BDH1: variants seen among roughly 807,000 people sequenced by gnomAD.
The protein encoded by BDH1 is 3-hydroxybutyrate dehydrogenase 1.
A neutral mutation model predicts 33.1 loss-of-function variants in BDH1; 30 were observed. That is an observed-to-expected ratio of 0.91 (90% CI 0.68 to 1.23). The LOEUF is 1.23. BDH1 is among the 50% of genes most tolerant of loss of function. The pLI is 0.00. For missense variants in BDH1, 443 were observed against 464.4 expected, an observed-to-expected ratio of 0.95 and a Z score of 0.42; for synonymous variants, 190 against 183.6, an observed-to-expected ratio of 1.03 and a Z score of -0.28.
intron 2 of BDH1, among the ~76,000 whole-genome samples, chr3:197,553,052 G>A (rs771237089): frequency 3.9e-5 from 6 of 152,030 alleles, no homozygotes; most frequent in Admixed American, 2.6e-4. Flanking sequence ...CAAGTAACTG[G>A]GGTTACAAGC....
chr3:197,551,739 T>C (rs1716588420), intron 2 of BDH1, among the ~76,000 whole-genome samples: 1 of 152,184 alleles, frequency 6.6e-6, no homozygotes, highest in Non-Finnish European at 1.5e-5. Context: ...ATTCTGAGAA[T>C]GCCTCATTTA....
At position 197,521,819 on chromosome 3, in the gene BDH1, C is replaced by T. The variant is rs1397732490; in HGVS notation, c.409+821G>A. Reference sequence around the variant, plus strand: ...CACCCTAGTTCCGGAGTCCAGAACCCATGTTTAACTCCCGCTTTGAATCCA... The same window carrying T: ...CACCCTAGTTCCGGAGTCCAGAACCTATGTTTAACTCCCGCTTTGAATCCA... On this transcript the variant is annotated intron_variant, in intron 6 of 7. Transcript: ENST00000392379. The surrounding 1 kb of genome is among the most constrained non-coding windows in gnomAD (Gnocchi z 4.9). Among the ~76,000 whole-genome samples the T allele has an allele frequency of 3.3e-5, 5 of 152,218 alleles. No individual in the cohort carries two copies. The highest frequency in any genetic ancestry group is 7.3e-5 in the Non-Finnish European group (5 of 68,042).
At chr3:197,548,165 A>G (rs1716247133) in intron 2 of BDH1, among the ~76,000 whole-genome samples, 1 of 152,238 alleles carries the variant, frequency 6.6e-6, no homozygotes, top group Non-Finnish European at 1.5e-5. Context: ...TGTGGCCACA[A>G]AAGAAGTTTC....
In BDH1 at chr3:197,510,721, A is replaced by ACG. The variant is rs1711934705; in HGVS notation, c.*1173_*1174insCG. On this transcript the variant is annotated 3_prime_UTR_variant, in exon 8 of 8. Coordinates refer to ENST00000392379, the MANE Select transcript of BDH1 (RefSeq NM_203314.3). ...TGTGTGTGTGTGTGTGTGTGTGTAC[A>ACG]TGTGTGTAAGCACCACGTGAGGCAA... The ACG allele has an allele frequency of 9.0e-6, 1 of 110,998 alleles. No individual in the cohort carries two copies. The highest frequency in any genetic ancestry group is 3.2e-4 in the South Asian group (1 of 3,158). 6.9% of individuals were successfully genotyped at this position (110,998 alleles called of 1,614,324 possible).
intron 2 of BDH1, among the ~76,000 whole-genome samples, chr3:197,547,672 A>C (rs1716196057): frequency 6.6e-6 from 1 of 152,252 alleles, no homozygotes; most frequent in Non-Finnish European, 1.5e-5. Context: ...CGGTCAAGCT[A>C]TGCGACTTCC....
chr3:197,556,001 G>GGGCTCACGGCGGCGT (rs1717006306), upstream of BDH1: 2 of 152,410 alleles, frequency 1.3e-5, no homozygotes, highest in African/African-American at 4.8e-5. Flanking sequence ...ACGCTGGGCG[G>GGGCTCACGGCGGCGT]GGCTCACGGC....
rs374580969 is a variant in BDH1, at chr3:197,526,816, T to C, written c.268-4035A>G. On this transcript the variant is annotated intron_variant, in intron 5 of 7. Transcript: ENST00000392379. The surrounding 1 kb of genome is among the most constrained non-coding windows in gnomAD (Gnocchi z 4.7). ...CCTTTAGACTTCTTCTGGTGGACAT[T>C]AGCATCACACTCTGTGGCCTCCAGA... Among the ~76,000 whole-genome samples the C allele has an allele frequency of 2.0e-5, 3 of 152,172 alleles. No homozygotes were observed. Among genetic ancestry groups the C allele is most frequent in the African/African-American group, 7.2e-5 (3 of 41,420 alleles).
At position 197,510,608 on chromosome 3, in the gene BDH1, G is replaced by GTGTGTGTGTGTGTC. The variant is rs1711839093; in HGVS notation, c.*1286_*1287insGACACACACACACA. 3.7e-5 allele frequency: 1 copy of GTGTGTGTGTGTGTC among 27,170 alleles called. No homozygotes were observed. The highest frequency in any genetic ancestry group is 3.2e-4 in the African/African-American group (1 of 3,166). The allele number at this position is 27,170 out of a possible 1,614,324, so 1.7% of individuals were successfully genotyped here. A position where few individuals can be genotyped will look rare whatever the true frequency, so the allele number is the denominator to read the frequency against. On this transcript the variant is annotated 3_prime_UTR_variant, in exon 8 of 8. Transcript: ENST00000392379. ...AGCCCTGCAGAACAGGGGTGTGTGT[G>GTGTGTGTGTGTGTC]TGTGTGTGTGTGTGTGTGTGTGTGT...
At chr3:197,532,813 C>G (rs535794193) in intron 4 of BDH1, among the ~76,000 whole-genome samples, 1 of 152,210 alleles carries the variant, frequency 6.6e-6, no homozygotes, top group Non-Finnish European at 1.5e-5. Context: ...CTTTTTAAAA[C>G]GCTCAATGTA....
chr3:197,525,335 T>A lies in BDH1; in HGVS notation c.268-2554A>T, dbSNP rs561881522. 3.3e-5 allele frequency among the ~76,000 whole-genome samples: 5 copies of A among 152,296 alleles called. No homozygotes were observed. In the South Asian group the frequency reaches 6.2e-4, roughly 19 times the overall value. On this transcript the variant is annotated intron_variant, in intron 5 of 7. Transcript: ENST00000392379. This position sits in a 1 kb window ranked among gnomAD's most constrained non-coding sequence, Gnocchi z 4.9. ...TTCTAGCTGACATGCACAAGAGGTA[T>A]CTAAATGTCCTTCCTCTTGGGACTT...
chr3:197,552,023 C>T (rs908586156), intron 2 of BDH1, among the ~76,000 whole-genome samples: 3 of 152,290 alleles, frequency 2.0e-5, no homozygotes, highest in South Asian at 2.1e-4. Flanking sequence ...CGCCAACTCC[C>T]GAAGGTTGAT....
At chr3:197,531,417 AAAT>A (rs1013315914) in intron 5 of BDH1, among the ~76,000 whole-genome samples, 4 of 142,754 alleles carry the variant, frequency 2.8e-5, no homozygotes, top group African/African-American at 8.1e-5. Context: ...ATTAAAAAAA[AAAT>A]ATATATATAT....
chr3:197,517,390 C>T (rs1160495141), intron 6 of BDH1, among the ~76,000 whole-genome samples: 2 of 108,690 alleles, frequency 1.8e-5, no homozygotes, highest in Non-Finnish European at 3.7e-5. Context: ...TCTCCATCCC[C>T]TCCTCAGGCT....
chr3:197,512,386 C>T, intron 7 of BDH1, 22 bp from the exon 8 acceptor site: 1 of 1,584,610 alleles, frequency 6.3e-7, no homozygotes, highest in Non-Finnish European at 8.5e-7. Context: ...GACAGAGGTA[C>T]CTGCTAAGCC....
In BDH1 at chr3:197,521,696, G is replaced by T. The variant is rs559321963; in HGVS notation, c.409+944C>A. Among the ~76,000 whole-genome samples, 4 of 152,084 alleles carry T rather than the reference G, an allele frequency of 2.6e-5. No individual in the cohort carries two copies. The highest frequency in any genetic ancestry group is 9.7e-5 in the African/African-American group (4 of 41,398). ...ACCAGGTGTCCAGGACAGAGACTTC[G>T]CGCCTCACCTCATCCCCACATCCAA... is the stretch of plus-strand genomic sequence containing the variant. On this transcript the variant is annotated intron_variant, in intron 6 of 7. Transcript: ENST00000392379. The surrounding 1 kb of genome is among the most constrained non-coding windows in gnomAD (Gnocchi z 4.9).
chr3:197,541,910 G>T (rs1298897776), intron 3 of BDH1, among the ~76,000 whole-genome samples: 1 of 152,212 alleles, frequency 6.6e-6, no homozygotes, highest in Non-Finnish European at 1.5e-5. Context: ...GCTGAGCTGT[G>T]ACAGACACTG....
chr3:197,520,329 G>A lies in BDH1; in HGVS notation c.409+2311C>T, dbSNP rs1008671666. On this transcript the variant is annotated intron_variant, in intron 6 of 7. Transcript: ENST00000392379. The surrounding 1 kb of genome is among the most constrained non-coding windows in gnomAD (Gnocchi z 6.0). ...AGTATCGGTTAAGGAAGTTGATGGT[G>A]AGAGGTTCATCCAGCCCTCCGGAAT... Among the ~76,000 whole-genome samples the A allele has an allele frequency of 1.3e-5, 2 of 152,222 alleles. No individual in the cohort carries two copies. Among genetic ancestry groups the A allele is most frequent in the African/African-American group, 4.8e-5 (2 of 41,464 alleles).
At chr3:197,536,838 C>T (rs967109464) in intron 3 of BDH1, among the ~76,000 whole-genome samples, 4 of 152,112 alleles carry the variant, frequency 2.6e-5, no homozygotes. Context: ...AGTGAAACTC[C>T]GTCTCAAAAA....
At chr3:197,567,627 G>A (rs747603678) in intron 1 of BDH1, among the ~76,000 whole-genome samples, 6 of 152,122 alleles carry the variant, frequency 3.9e-5, no homozygotes, top group African/African-American at 4.8e-5. Context: ...CGTCAGGACC[G>A]CTTGAGGCAG....
Sources: allele counts gnomAD v4.1 joint callset (sites outside exome capture counted in the v4.1 genomes callset), GRCh38; gene constraint gnomAD v4.1.1; non-coding constraint Gnocchi (gnomAD v3.1); transcripts MANE v1.5; gene names NCBI Gene and HGNC (gene_info 2026-07-23, HGNC 2026-07-21).